Variants in TANGO6 observed in about 807,000 individuals in gnomAD.
The protein encoded by TANGO6 is transport and golgi organization 6 homolog, also known as transport and Golgi organization protein 6 homolog.
TANGO6 carries 90 observed loss-of-function variants against 114.2 expected under a neutral mutation model. The ratio of observed to expected loss-of-function variants is 0.79; its 90% CI spans 0.66 to 0.94. The LOEUF is 0.94. TANGO6 is among the 40% of genes least tolerant of loss of function. The pLI is 0.00. For synonymous variants in TANGO6, 477 were observed against 509.8 expected (o/e 0.94, Z 0.87); for missense variants, 1,274 against 1,315.3 (o/e 0.97, Z 0.49).
At chr16:68,978,694 C>T (rs1348225156) in intron 15 of TANGO6, among the ~76,000 whole-genome samples, 1 of 151,986 alleles carries the variant, frequency 6.6e-6, no homozygotes, top group Non-Finnish European at 1.5e-5. Flanking sequence ...GCTCTCTCCC[C>T]ACCCCTACCT....
intron 3 of TANGO6, among the ~76,000 whole-genome samples, chr16:68,865,753 C>CAAA (rs367608096): frequency 0.046 from 5,307 of 114,946 alleles, 275 homozygotes; most frequent in East Asian, 0.14. Context: ...ACTAAAAATA[C>CAAA]AAAAAAAAAA....
chr16:69,009,351 G>A (rs1365135640), intron 15 of TANGO6, among the ~76,000 whole-genome samples: 2 of 152,072 alleles, frequency 1.3e-5, no homozygotes, highest in Non-Finnish European at 2.9e-5. Flanking sequence ...AAAGTGCTGG[G>A]ATTACAGGCG....
chr16:69,056,334 A>C (rs1017776327), intron 17 of TANGO6, among the ~76,000 whole-genome samples: 3 of 152,182 alleles, frequency 2.0e-5, no homozygotes, highest in African/African-American at 7.2e-5. Context: ...AAAATGGCCA[A>C]AAGTTTCTCA....
At chr16:69,028,207 G>A (rs577789808) in intron 16 of TANGO6, among the ~76,000 whole-genome samples, 41 of 152,136 alleles carry the variant, frequency 2.7e-4, no homozygotes, top group Admixed American at 6.5e-4. Context: ...TGATCCATCC[G>A]CTTCGGGCCT....
intron 14 of TANGO6, among the ~76,000 whole-genome samples, chr16:68,947,608 T>C (rs1268908912): frequency 3.5e-4 from 52 of 149,004 alleles, no homozygotes; most frequent in African/African-American, 1.3e-3. Flanking sequence ...TTTTTTTTTT[T>C]TGAGACAGAG....
In TANGO6 at chr16:68,974,636, G is replaced by A. The variant is rs1963743576; in HGVS notation, c.2842+468G>A. ...AGATCGCGCCACTGTGCTCCAGCCTGGGCGACAAAATGAGATTCCATCTCA... is the reference window on the plus strand; with the variant it reads ...AGATCGCGCCACTGTGCTCCAGCCTAGGCGACAAAATGAGATTCCATCTCA... On this transcript the variant is annotated intron_variant, in intron 15 of 17. Transcript: ENST00000261778. Among the ~76,000 whole-genome samples, 4 of 152,198 alleles carry A rather than the reference G, an allele frequency of 2.6e-5. No individual in the cohort carries two copies. In the South Asian group the frequency reaches 8.3e-4, roughly 32 times the overall value.
chr16:68,932,908 T>C (rs1963260947), intron 14 of TANGO6, among the ~76,000 whole-genome samples: 1 of 152,244 alleles, frequency 6.6e-6, no homozygotes, highest in Non-Finnish European at 1.5e-5. Flanking sequence ...AAATGTTTAT[T>C]AATAAAAAGG....
chr16:69,058,470 A>G (rs1294658978), intron 17 of TANGO6, among the ~76,000 whole-genome samples: 5 of 152,208 alleles, frequency 3.3e-5, no homozygotes, highest in African/African-American at 4.8e-5. Flanking sequence ...TCAGGTCCAG[A>G]AGGTTTACAT....
chr16:69,064,568 C>A (rs1960186542), intron 17 of TANGO6, among the ~76,000 whole-genome samples: 1 of 152,230 alleles, frequency 6.6e-6, no homozygotes, highest in Non-Finnish European at 1.5e-5. Flanking sequence ...AGATCAAATT[C>A]TCTGCATGGT....
intron 16 of TANGO6, among the ~76,000 whole-genome samples, chr16:69,023,226 C>T (rs1182301631): frequency 2.6e-5 from 4 of 152,008 alleles, no homozygotes; most frequent in South Asian, 4.1e-4. Context: ...GAGGGCGAGG[C>T]GGGTAGATTG....
intron 16 of TANGO6, among the ~76,000 whole-genome samples, chr16:69,039,382 T>G (rs1451599111): frequency 6.7e-6 from 1 of 148,412 alleles, no homozygotes; most frequent in Non-Finnish European, 1.5e-5. Flanking sequence ...ATACCTGTAA[T>G]CCTAGCACCT....
intron 12 of TANGO6, among the ~76,000 whole-genome samples, chr16:68,926,065 A>G (rs1197126592): frequency 6.8e-6 from 1 of 146,742 alleles, no homozygotes; most frequent in Admixed American, 6.7e-5. Context: ...AAATTGTTAT[A>G]TAGAAGAGAA....
chr16:69,004,210 A>T (rs1390169304), intron 15 of TANGO6, among the ~76,000 whole-genome samples: 4 of 152,200 alleles, frequency 2.6e-5, no homozygotes, highest in African/African-American at 9.7e-5. Context: ...ATATAACATA[A>T]TAAATGTAAA....
At chr16:69,028,682 T>C (rs1049693791) in intron 16 of TANGO6, among the ~76,000 whole-genome samples, 1 of 151,936 alleles carries the variant, frequency 6.6e-6, no homozygotes, top group African/African-American at 2.4e-5. Flanking sequence ...TCAATGGTTT[T>C]TAGTATATAA....
rs552932539 is a variant in TANGO6, at chr16:68,916,645, C to T, written c.1993-2440C>T. Among the ~76,000 whole-genome samples the T allele has an allele frequency of 1.4e-4, 21 of 152,134 alleles. No homozygotes were observed. In the East Asian group the frequency reaches 4.1e-3, roughly 29 times the overall value. ...TACTAGAATTAGACTGTCAAAATGT[C>T]GGGAGTGAGTCAGGGCAGGAATCCC... On this transcript the variant is annotated intron_variant, in intron 11 of 17. Transcript: ENST00000261778.
chr16:68,895,005 C>T lies in TANGO6; in HGVS notation c.1378-5429C>T, dbSNP rs182374562. Among the ~76,000 whole-genome samples the T allele has an allele frequency of 5.3e-5, 8 of 152,238 alleles. No homozygotes were observed. The East Asian group carries it at 1.5e-3, about 29-fold the overall frequency. On this transcript the variant is annotated intron_variant, in intron 7 of 17. Coordinates refer to ENST00000261778, the MANE Select transcript of TANGO6 (RefSeq NM_024562.2). The stretch of plus-strand genomic sequence containing the variant: ...GTTCTGCCCTTTGCTAACAATGTGT[C>T]TTTGCTCAACTGACTGACTGCTTCT...
At chr16:69,049,795 T>C (rs758968717) in intron 17 of TANGO6, among the ~76,000 whole-genome samples, 2 of 151,886 alleles carry the variant, frequency 1.3e-5, no homozygotes, top group Non-Finnish European at 2.9e-5. Context: ...AGGCTGGTCT[T>C]GAACTCCTGA....
At chr16:68,863,701 G>T (rs1458895361) in intron 3 of TANGO6, among the ~76,000 whole-genome samples, 1 of 152,156 alleles carries the variant, frequency 6.6e-6, no homozygotes, top group Non-Finnish European at 1.5e-5. Flanking sequence ...TTTGCTGTTT[G>T]ACAAAACATT....
chr16:68,890,200 A>G (rs1384488947), intron 7 of TANGO6, among the ~76,000 whole-genome samples: 4 of 152,214 alleles, frequency 2.6e-5, no homozygotes, highest in African/African-American at 9.6e-5. Context: ...ATTCCCACAC[A>G]TGTACATCCC....
Sources: allele counts gnomAD v4.1 joint callset (sites outside exome capture counted in the v4.1 genomes callset), GRCh38; gene constraint gnomAD v4.1.1; transcripts MANE v1.5; gene names NCBI Gene and HGNC (gene_info 2026-07-23, HGNC 2026-07-21).